Variants in NCKAP5 observed in about 807,000 individuals in gnomAD.
NCKAP5 encodes the protein NCK associated protein 5.
NCKAP5 carries 92 observed loss-of-function variants against 167.0 expected under a neutral mutation model. That is an observed-to-expected ratio of 0.55 (90% CI 0.47 to 0.66). The LOEUF (loss-of-function observed/expected upper bound fraction) is 0.66. Among genes scored for constraint, NCKAP5 ranks in the 30% least tolerant of loss-of-function variants. The pLI, the probability that NCKAP5 is intolerant of heterozygous loss-of-function variation, is 0.00. For synonymous variants in NCKAP5, 891 were observed against 877.4 expected, an observed-to-expected ratio of 1.02 and a Z score of -0.27; for missense variants, 2,378 against 2,315.0, an observed-to-expected ratio of 1.03 and a Z score of -0.56.
At chr2:133,495,289 C>A (rs1681843524) in intron 3 of NCKAP5, among the ~76,000 whole-genome samples, 1 of 152,176 alleles carries the variant, frequency 6.6e-6, no homozygotes, top group African/African-American at 2.4e-5. Context: ...ATTTCTCACT[C>A]ATTTTTGGCT....
chr2:132,738,397 T>C (rs971508083), intron 16 of NCKAP5, among the ~76,000 whole-genome samples: 1 of 152,170 alleles, frequency 6.6e-6, no homozygotes, highest in African/African-American at 2.4e-5. Context: ...TAACTCTGGC[T>C]CTCATCCCAA....
chr2:133,375,933 A>G (rs1686115152), intron 3 of NCKAP5, among the ~76,000 whole-genome samples: 1 of 152,220 alleles, frequency 6.6e-6, no homozygotes, highest in African/African-American at 2.4e-5. Flanking sequence ...CCAATGTCTG[A>G]AAGATAAGCA....
chr2:133,524,641 C>T (rs991210409), intron 2 of NCKAP5, among the ~76,000 whole-genome samples: 6 of 152,174 alleles, frequency 3.9e-5, no homozygotes, highest in African/African-American at 7.2e-5. Flanking sequence ...TCTCCATGTG[C>T]ACCTAGCTCT....
chr2:133,520,737 C>A (rs1170248943), intron 2 of NCKAP5, among the ~76,000 whole-genome samples: 1 of 152,144 alleles, frequency 6.6e-6, no homozygotes, highest in Non-Finnish European at 1.5e-5. Context: ...GATTTAACAG[C>A]TTTCCAAATG....
At chr2:133,178,504 CAAAAAAAAAAAAAAAAAAAAAAAA>C (rs869253241) in intron 5 of NCKAP5, among the ~76,000 whole-genome samples, 2 of 23,944 alleles carry the variant, frequency 8.4e-5, no homozygotes, top group African/African-American at 5.3e-4. Context: ...GACCCTGTCT[CAAAAAAAAAAAAAAAAAAAAAAAA>C]AAAAAAAAAA....
chr2:133,007,580 T>C (rs967883452), intron 6 of NCKAP5, among the ~76,000 whole-genome samples: 1 of 152,174 alleles, frequency 6.6e-6, no homozygotes, highest in South Asian at 2.1e-4. Context: ...GAATTTCTTA[T>C]TGACATAAAG....
At chr2:133,122,478 T>C (rs2082280332) in intron 6 of NCKAP5, 2 of 152,216 alleles carry the variant, frequency 1.3e-5, no homozygotes, top group Non-Finnish European at 2.9e-5. Flanking sequence ...TGTCATAAAG[T>C]TATCTCTGTT....
At chr2:133,641,460 C>G in the NCKAP5 span, among the ~76,000 whole-genome samples, 1 of 152,248 alleles carries the variant, frequency 6.6e-6, no homozygotes, top group South Asian at 2.1e-4. Flanking sequence ...TCCTAGCTCA[C>G]TGTAGGAAGC....
intron 11 of NCKAP5, among the ~76,000 whole-genome samples, chr2:132,852,264 A>G (rs1467711447): frequency 6.6e-6 from 1 of 152,218 alleles, no homozygotes; most frequent in African/African-American, 2.4e-5. Flanking sequence ...AAAAATATAT[A>G]TCGCCTGAAT....
intron 4 of NCKAP5, among the ~76,000 whole-genome samples, chr2:133,276,363 T>C (rs2089731093): frequency 6.6e-6 from 1 of 152,082 alleles, no homozygotes; most frequent in South Asian, 2.1e-4. Flanking sequence ...CTAACTCCTA[T>C]GTTGTTCAAG....
chr2:133,055,002 C>G (rs1290729998), intron 6 of NCKAP5, among the ~76,000 whole-genome samples: 2 of 152,182 alleles, frequency 1.3e-5, no homozygotes, highest in African/African-American at 4.8e-5. Context: ...ATTGATATAA[C>G]TCTTGAAAGT....
intron 19 of NCKAP5, among the ~76,000 whole-genome samples, chr2:132,693,513 T>G (rs916217107): frequency 6.6e-6 from 1 of 151,202 alleles, no homozygotes; most frequent in African/African-American, 2.4e-5. Flanking sequence ...CAGGGATTGC[T>G]GGCAATGACA....
At chr2:132,809,346 G>A (rs1279324331) in intron 11 of NCKAP5, among the ~76,000 whole-genome samples, 1 of 152,132 alleles carries the variant, frequency 6.6e-6, no homozygotes, top group African/African-American at 2.4e-5. Context: ...TTGATGACCT[G>A]TCTAGTGCTG....
intron 2 of NCKAP5, among the ~76,000 whole-genome samples, chr2:133,518,864 A>G (rs747509220): frequency 1.3e-5 from 2 of 152,222 alleles, no homozygotes; most frequent in Non-Finnish European, 2.9e-5. Flanking sequence ...ATGAGTCAAT[A>G]TAATTCAATA....
chr2:133,614,233 C>A, the NCKAP5 span, among the ~76,000 whole-genome samples: 3 of 152,108 alleles, frequency 2.0e-5, no homozygotes, highest in Non-Finnish European at 4.4e-5. Flanking sequence ...CCCTGGTCAC[C>A]GGCTGCCAGG....
At chr2:132,850,656 G>T (rs1172243233) in intron 11 of NCKAP5, among the ~76,000 whole-genome samples, 2 of 152,080 alleles carry the variant, frequency 1.3e-5, no homozygotes, top group African/African-American at 4.8e-5. Flanking sequence ...AGCCAACCCA[G>T]TTTCATAGAA....
chr2:133,038,636 T>C (rs940502060), intron 6 of NCKAP5, among the ~76,000 whole-genome samples: 1 of 152,196 alleles, frequency 6.6e-6, no homozygotes, highest in East Asian at 1.9e-4. Context: ...GGATTGTTTA[T>C]AACTCAAAGA....
chr2:132,776,240 A>G lies in NCKAP5; in HGVS notation c.5050-2346T>C, dbSNP rs537981697. Among the ~76,000 whole-genome samples, 16 of 152,310 alleles carry G rather than the reference A, an allele frequency of 1.1e-4. No individual in the cohort carries two copies. In the South Asian group the frequency reaches 3.3e-3, roughly 32 times the overall value. On this transcript the variant is annotated intron_variant, in intron 15 of 19. Transcript: ENST00000409261. ...GCAATATTCCAAGTATCCATAAACTATATTTTAAGAGTAGTAAACATTTTT... is the reference window on the plus strand; with the variant it reads ...GCAATATTCCAAGTATCCATAAACTGTATTTTAAGAGTAGTAAACATTTTT...
At chr2:133,089,253 C>T (rs2081094100) in intron 6 of NCKAP5, among the ~76,000 whole-genome samples, 1 of 152,102 alleles carries the variant, frequency 6.6e-6, no homozygotes, top group Non-Finnish European at 1.5e-5. Context: ...CTTTAGTGGG[C>T]CATTGCACAT....
Sources: gnomAD v4.1 joint callset for allele counts (sites outside exome capture counted in the v4.1 genomes callset) on GRCh38, gnomAD v4.1.1 for gene constraint, MANE v1.5 for transcripts, NCBI Gene and HGNC (gene_info 2026-07-23, HGNC 2026-07-21) for gene names.